The following TET1 variants were observed in gnomAD, a reference collection of about 807,000 sequenced individuals.
The protein encoded by TET1 is tet methylcytosine dioxygenase 1.
TET1 carries 13 observed loss-of-function variants against 148.7 expected under a neutral mutation model. The observed-to-expected ratio is 0.09, with a 90% confidence interval of 0.06 to 0.14. The LOEUF is 0.14. TET1 is among the 10% of genes least tolerant of loss of function. The pLI is 1.00. For missense variants in TET1, 2,182 were observed against 2,553.8 expected, an observed-to-expected ratio of 0.85 and a Z score of 3.14; for synonymous variants, 907 against 937.2, an observed-to-expected ratio of 0.97 and a Z score of 0.59.
intron 7 of TET1, among the ~76,000 whole-genome samples, chr10:68,671,774 GTTTTT>G (rs2055275773): frequency 6.7e-6 from 1 of 148,628 alleles, no homozygotes; most frequent in South Asian, 2.1e-4. Context: ...AAACTGTTTT[GTTTTT>G]GTTTTTGTTT....
intron 1 of TET1, among the ~76,000 whole-genome samples, chr10:68,568,682 T>C (rs1464630304): frequency 6.6e-6 from 1 of 152,134 alleles, no homozygotes; most frequent in African/African-American, 2.4e-5. Flanking sequence ...TGAGACTCCA[T>C]CTCCACAAAA....
In TET1 at chr10:68,689,788, A is replaced by AAG. The variant is rs2055565490; in HGVS notation, c.5405-1019_5405-1018insGA. ...AGCGAGACTCCATCTCAAAAAAAAA[A>AAG]AAGAACTTCATAACAGGGAGAATGT... On this transcript the variant is annotated intron_variant, in intron 11 of 11. Transcript: ENST00000373644. Among the ~76,000 whole-genome samples the AAG allele has an allele frequency of 2.6e-5, 4 of 151,820 alleles. No homozygotes were observed. The South Asian group carries it at 8.4e-4, about 32-fold the overall frequency.
chr10:68,608,627 G>A (rs1262877188), intron 3 of TET1, among the ~76,000 whole-genome samples: 4 of 151,672 alleles, frequency 2.6e-5, no homozygotes, highest in African/African-American at 4.8e-5. Context: ...CTCCACCTCC[G>A]GGGTTCAAGT....
rs544075971 is a variant in TET1, at chr10:68,598,164, G to A, written c.1915-2817G>A. On this transcript the variant is annotated intron_variant, in intron 2 of 11. Coordinates refer to ENST00000373644, the MANE Select transcript of TET1 (RefSeq NM_030625.3). ...AGCACTTTGGGAGGCCAAGGTGGGC[G>A]GCCCACCTGAGGTCAAGAGTCCGAG... Among the ~76,000 whole-genome samples the A allele has an allele frequency of 9.8e-5, 15 of 152,302 alleles. 1 individual carries two copies. The highest frequency in any genetic ancestry group is 3.1e-4 in the African/African-American group (13 of 41,566).
intron 6 of TET1, among the ~76,000 whole-genome samples, chr10:68,656,223 G>A (rs189385893): frequency 6.6e-5 from 10 of 152,192 alleles, no homozygotes; most frequent in Admixed American, 2.0e-4. Flanking sequence ...TAACGTACTC[G>A]AATCATCCCA....
At chr10:68,666,042 T>C (rs1353999196) in intron 6 of TET1, among the ~76,000 whole-genome samples, 1 of 152,188 alleles carries the variant, frequency 6.6e-6, no homozygotes, top group East Asian at 1.9e-4. Flanking sequence ...GGTCAATCTC[T>C]GCACTTTCTA....
intron 3 of TET1, among the ~76,000 whole-genome samples, chr10:68,619,862 G>T (rs898503400): frequency 6.6e-6 from 1 of 152,100 alleles, no homozygotes; most frequent in South Asian, 2.1e-4. Flanking sequence ...GTCTCATTGA[G>T]ATATGATTTG....
intron 10 of TET1, among the ~76,000 whole-genome samples, chr10:68,685,555 A>G (rs2055497719): frequency 6.6e-6 from 1 of 152,166 alleles, no homozygotes; most frequent in Non-Finnish European, 1.5e-5. Context: ...ATTAATTACA[A>G]TTAAAATATT....
chr10:68,570,102 CT>C (rs922714573), intron 1 of TET1, among the ~76,000 whole-genome samples: 6 of 147,884 alleles, frequency 4.1e-5, no homozygotes, highest in South Asian at 2.2e-4. Context: ...AAAAGTTTTT[CT>C]TTTTTTTTTC....
chr10:68,583,308 A>G (rs2053822894), intron 2 of TET1, among the ~76,000 whole-genome samples: 1 of 152,170 alleles, frequency 6.6e-6, no homozygotes, highest in Admixed American at 6.6e-5. Context: ...ACTATGATGG[A>G]TAATGGCACA....
At position 68,686,486 on chromosome 10, in the gene TET1, A is replaced by G; in HGVS notation, c.5183A>G (p.Lys1728Arg). The G allele has an allele frequency of 6.2e-7, 1 of 1,614,152 alleles. No homozygotes were observed. Among genetic ancestry groups the G allele is most frequent in the Non-Finnish European group, 8.5e-7 (1 of 1,180,034 alleles). Residue 1728 changes from lysine (K) to arginine (R), a missense_variant, in exon 11 of 12, where the codon AAG becomes AGG. Physicochemically the swap from Lys to Arg is conservative, Grantham distance 26. This residue lies in a region of TET1 where 380 missense variants were observed against 387.9 expected (regional missense o/e 0.98). Transcript: ENST00000373644. ...EFGSKEGMEA[K>R]IKSGAIEVLA... ...GGCTCCAAGGAAGGAATGGAAGCCA[A>G]GATCAAATCTGGGGCCATCGAGGTC...
At chr10:68,624,099 C>CTTTCTTT (rs1554937832) in intron 3 of TET1, among the ~76,000 whole-genome samples, 8 of 148,032 alleles carry the variant, frequency 5.4e-5, no homozygotes, top group African/African-American at 1.7e-4. Flanking sequence ...TTCTTTCTTT[C>CTTTCTTT]TTTTCTTTTT....
intron 6 of TET1, 123 bp downstream of exon 6, chr10:68,652,717 C>A: frequency 3.0e-6 from 2 of 665,988 alleles, no homozygotes; most frequent in Non-Finnish European, 4.7e-6. Flanking sequence ...ATTTTTGAGA[C>A]AGGCTTTGTC....
At chr10:68,654,894 A>G (rs761772589) in intron 6 of TET1, among the ~76,000 whole-genome samples, 1 of 152,210 alleles carries the variant, frequency 6.6e-6, no homozygotes, top group Non-Finnish European at 1.5e-5. Context: ...CCCACTTCCA[A>G]GCTCCCTTAC....
chr10:68,605,569 A>G (rs1319298881), intron 3 of TET1, among the ~76,000 whole-genome samples: 1 of 152,218 alleles, frequency 6.6e-6, no homozygotes, highest in African/African-American at 2.4e-5. Flanking sequence ...GCTGGAGTGC[A>G]GTGGTGCAGT....
chr10:68,617,676 G>T (rs1038566624), intron 3 of TET1, among the ~76,000 whole-genome samples: 1 of 151,974 alleles, frequency 6.6e-6, no homozygotes, highest in East Asian at 1.9e-4. Flanking sequence ...CTCCTGAGTA[G>T]CTGGGACTTA....
Position 68,681,399 on chromosome 10 carries a change from G to GA in TET1, c.4832dup (p.Asn1611LysfsTer3). On this transcript the variant is annotated frameshift_variant and splice_region_variant, in exon 9 of 12. Coordinates refer to ENST00000373644, the MANE Select transcript of TET1 (RefSeq NM_030625.3). LOFTEE classifies it high-confidence loss of function. ...CCTAATGGATTCTGTTTTCCTATAG[G>GA]AAAAAAACCTTGAAGATAACTTACA... 6.2e-7 allele frequency: 1 copy of GA among 1,610,564 alleles called. No individual in the cohort carries two copies. Among genetic ancestry groups the GA allele is most frequent in the African/African-American group, 1.3e-5 (1 of 74,906 alleles).
At position 68,615,926 on chromosome 10, in the gene TET1, C is replaced by T. The variant is rs960260900; in HGVS notation, c.1968+14892C>T. Among the ~76,000 whole-genome samples, 6 of 152,332 alleles carry T rather than the reference C, an allele frequency of 3.9e-5. No homozygotes were observed. The South Asian group carries it at 1.2e-3, about 32-fold the overall frequency. ...CCTCCCAAAGTGCTGGGATTACAGG[C>T]ATAAGCCACCACGTCCGGCCTAAGA... On this transcript the variant is annotated intron_variant, in intron 3 of 11. Coordinates refer to ENST00000373644, the MANE Select transcript of TET1 (RefSeq NM_030625.3).
chr10:68,683,778 A>G (rs1564510095), intron 10 of TET1, among the ~76,000 whole-genome samples: 1 of 152,182 alleles, frequency 6.6e-6, no homozygotes, highest in Non-Finnish European at 1.5e-5. Flanking sequence ...GTTACTTGAT[A>G]TTTGTTTTTG....
Sources: allele counts gnomAD v4.1 joint callset (sites outside exome capture counted in the v4.1 genomes callset), GRCh38; gene constraint gnomAD v4.1.1; regional missense constraint gnomAD v4.1.1; transcripts MANE v1.5; gene names NCBI Gene and HGNC (gene_info 2026-07-23, HGNC 2026-07-21).